The following TAFA1 variants were observed in gnomAD, a reference collection of about 807,000 sequenced individuals.
The protein encoded by TAFA1 is TAFA chemokine like family member 1.
TAFA1 carries 4 observed loss-of-function variants against 18.5 expected under a neutral mutation model. The observed-to-expected ratio is 0.22, with a 90% CI of 0.11 to 0.49. The LOEUF (loss-of-function observed/expected upper bound fraction) is 0.49, where lower values mean the gene tolerates loss of function less well. Ranked by LOEUF, TAFA1 falls within the 20% of genes least tolerant of loss-of-function variation. TAFA1 has a pLI of 0.98. For synonymous variants in TAFA1, 56 were observed against 55.2 expected, an observed-to-expected ratio of 1.01 and a Z score of -0.06; for missense variants, 147 against 169.0, an observed-to-expected ratio of 0.87 and a Z score of 0.72.
At chr3:68,431,546 G>T (rs2071172190) in intron 3 of TAFA1, among the ~76,000 whole-genome samples, 1 of 151,926 alleles carries the variant, frequency 6.6e-6, no homozygotes, top group Admixed American at 6.6e-5. Context: ...GCTTGCCCAG[G>T]GTCACATAGC....
intron 2 of TAFA1, among the ~76,000 whole-genome samples, chr3:68,195,089 G>A (rs1352660457): frequency 6.6e-6 from 1 of 151,474 alleles, no homozygotes; most frequent in African/African-American, 2.4e-5. Context: ...GAGGCTGAAT[G>A]TATGCTTGAA....
At chr3:68,288,288 C>G (rs1257231220) in intron 2 of TAFA1, among the ~76,000 whole-genome samples, 2 of 152,104 alleles carry the variant, frequency 1.3e-5, no homozygotes, top group African/African-American at 2.4e-5. Context: ...GCCATAGGCG[C>G]AAAAAGAACA....
At chr3:68,147,773 C>T (rs1160635474) in intron 2 of TAFA1, among the ~76,000 whole-genome samples, 2 of 152,164 alleles carry the variant, frequency 1.3e-5, no homozygotes, top group Admixed American at 6.6e-5. Context: ...TGAGCAAAGA[C>T]ATTGAACTTC....
At chr3:68,083,165 T>C (rs1220456867) in intron 2 of TAFA1, among the ~76,000 whole-genome samples, 1 of 152,134 alleles carries the variant, frequency 6.6e-6, no homozygotes, top group Non-Finnish European at 1.5e-5. Context: ...ACATATCAAA[T>C]GAGAGAGAGC....
chr3:68,313,001 G>A (rs1232489302), intron 2 of TAFA1, among the ~76,000 whole-genome samples: 2 of 152,144 alleles, frequency 1.3e-5, no homozygotes, highest in Non-Finnish European at 2.9e-5. Flanking sequence ...AAAAAAGAGA[G>A]CTTGTGCAGG....
At chr3:68,453,102 C>T (rs537286212) in intron 3 of TAFA1, among the ~76,000 whole-genome samples, 1 of 152,110 alleles carries the variant, frequency 6.6e-6, no homozygotes, top group South Asian at 2.1e-4. Flanking sequence ...GAATTAATCT[C>T]CAGAGACATA....
intron 2 of TAFA1, among the ~76,000 whole-genome samples, chr3:68,285,860 C>T (rs1420896750): frequency 6.6e-6 from 1 of 152,018 alleles, no homozygotes; most frequent in East Asian, 1.9e-4. Context: ...CAAGAATGGC[C>T]AATCATTGAA....
intron 3 of TAFA1, among the ~76,000 whole-genome samples, chr3:68,446,445 G>C (rs1241706961): frequency 6.6e-6 from 1 of 152,080 alleles, no homozygotes; most frequent in Non-Finnish European, 1.5e-5. Flanking sequence ...CCTTCTATCT[G>C]AGCCTCACAT....
intron 2 of TAFA1, among the ~76,000 whole-genome samples, chr3:68,184,411 G>A (rs553190603): frequency 6.6e-6 from 1 of 152,212 alleles, no homozygotes; most frequent in Non-Finnish European, 1.5e-5. Flanking sequence ...ACTGTGGCTA[G>A]AAGGTATACC....
chr3:68,051,838 T>C (rs1443702136), intron 2 of TAFA1, among the ~76,000 whole-genome samples: 1 of 152,140 alleles, frequency 6.6e-6, no homozygotes, highest in Non-Finnish European at 1.5e-5. Context: ...ACCAGGTAGC[T>C]AGCTGACAAA....
chr3:68,065,573 CT>C (rs1214894490), intron 2 of TAFA1, among the ~76,000 whole-genome samples: 1 of 151,958 alleles, frequency 6.6e-6, no homozygotes, highest in African/African-American at 2.4e-5. Flanking sequence ...CTATCAATGC[CT>C]TTTGACTTAG....
At chr3:68,107,356 T>A (rs1163543770) in intron 2 of TAFA1, among the ~76,000 whole-genome samples, 1 of 152,152 alleles carries the variant, frequency 6.6e-6, no homozygotes, top group Non-Finnish European at 1.5e-5. Context: ...GCAGTTTTAT[T>A]CATACTTGCC....
At chr3:67,994,252 C>G in the TAFA1 span, among the ~76,000 whole-genome samples, 2 of 152,106 alleles carry the variant, frequency 1.3e-5, no homozygotes, top group Non-Finnish European at 2.9e-5. Context: ...ATGAAGATGT[C>G]TTTATAGTTC....
chr3:68,372,913 A>G (rs935873256), intron 2 of TAFA1, among the ~76,000 whole-genome samples: 1 of 152,186 alleles, frequency 6.6e-6, no homozygotes, highest in Admixed American at 6.5e-5. Context: ...GTTCACAAAT[A>G]TTGCATTTAA....
intron 2 of TAFA1, among the ~76,000 whole-genome samples, chr3:68,053,692 T>G (rs1344128103): frequency 1.3e-5 from 2 of 151,972 alleles, no homozygotes; most frequent in Non-Finnish European, 2.9e-5. Context: ...CCTTGGAAAA[T>G]AATTTTAGAT....
intron 2 of TAFA1, among the ~76,000 whole-genome samples, chr3:68,161,264 C>T (rs1287420064): frequency 6.6e-6 from 1 of 152,174 alleles, no homozygotes; most frequent in African/African-American, 2.4e-5. Context: ...TAAATCTGTA[C>T]TTAATCCTAA....
intron 2 of TAFA1, among the ~76,000 whole-genome samples, chr3:68,233,657 A>G (rs141334025): frequency 6.6e-6 from 1 of 152,154 alleles, no homozygotes; most frequent in South Asian, 2.1e-4. Context: ...TTTGTGAAGA[A>G]TGTCATTGGT....
intron 2 of TAFA1, among the ~76,000 whole-genome samples, chr3:68,103,915 A>G (rs1270711874): frequency 1.3e-5 from 2 of 152,152 alleles, no homozygotes; most frequent in Admixed American, 6.6e-5. Context: ...GTTCCTACCT[A>G]TGAAGGTAGC....
chr3:68,433,687 C>A (rs576822486), intron 3 of TAFA1, among the ~76,000 whole-genome samples: 1 of 152,110 alleles, frequency 6.6e-6, no homozygotes, highest in African/African-American at 2.4e-5. Context: ...GTTCCAATTC[C>A]AGCTCTACTA....
Sources: allele counts gnomAD v4.1 joint callset (sites outside exome capture counted in the v4.1 genomes callset), GRCh38; gene constraint gnomAD v4.1.1; transcripts MANE v1.5; gene names NCBI Gene and HGNC (gene_info 2026-07-23, HGNC 2026-07-21).